The following CYFIP1 variants were observed in gnomAD, a reference collection of about 807,000 sequenced individuals.
The protein encoded by CYFIP1 is cytoplasmic FMR1 interacting protein 1, also known as cytoplasmic FMR1-interacting protein 1.
A neutral mutation model predicts 163.5 loss-of-function variants in CYFIP1; 58 were observed. The ratio of observed to expected loss-of-function variants is 0.35; its 90% CI spans 0.29 to 0.44. CYFIP1 has a LOEUF of 0.44. CYFIP1 is among the 20% of genes least tolerant of loss of function. CYFIP1 has a pLI of 1.00. For missense variants in CYFIP1, 1,338 were observed against 1,653.8 expected, an observed-to-expected ratio of 0.81 and a Z score of 3.31; for synonymous variants, 663 against 660.7, an observed-to-expected ratio of 1.00 and a Z score of -0.05.
In CYFIP1 at chr15:22,874,693, G is replaced by A. The variant is rs957040760; in HGVS notation, c.3116-49C>T. On this transcript the variant is annotated intron_variant, in intron 27 of 30. Transcript: ENST00000617928. ...TATATTCTGCTCCTTTGTATGAAAC[G>A]GTAATTGCAAAGGTTTACATTTGTT... The A allele has an allele frequency of 3.3e-5, 42 of 1,283,404 alleles. No homozygotes were observed. The Admixed American group carries it at 3.6e-4, about 11-fold the overall frequency. 79.5% of individuals were successfully genotyped at this position (1,283,404 alleles called of 1,614,324 possible).
intron 16 of CYFIP1, 165 bp from the exon 17 acceptor site, chr15:22,915,047 G>C (rs2060923367): frequency 1.7e-6 from 1 of 587,336 alleles, no homozygotes; most frequent in South Asian, 2.8e-5. Context: ...TTGCACTAGG[G>C]ACAGGACCAG....
chr15:22,912,409 C>A, intron 17 of CYFIP1, 134 bp from the exon 18 acceptor site: 2 of 618,800 alleles, frequency 3.2e-6, no homozygotes, highest in Non-Finnish European at 5.4e-6. Flanking sequence ...ACTTCAAACA[C>A]CAGTCCTCCT....
chr15:22,919,384 A>C (rs989020004), intron 13 of CYFIP1, among the ~76,000 whole-genome samples: 20 of 152,216 alleles, frequency 1.3e-4, no homozygotes, highest in African/African-American at 4.8e-4. Flanking sequence ...CCAGACAGTA[A>C]TTTTGTCATG....
At chr15:22,933,753 TG>T (rs1260639355) in intron 10 of CYFIP1, 48 bp downstream of exon 10, 2 of 1,368,744 alleles carry the variant, frequency 1.5e-6, no homozygotes, top group African/African-American at 2.9e-5. Flanking sequence ...AACCGCACAA[TG>T]AGGACACTGC....
intron 6 of CYFIP1, among the ~76,000 whole-genome samples, chr15:22,941,005 G>A (rs1042548852): frequency 3.3e-5 from 5 of 152,030 alleles, no homozygotes; most frequent in African/African-American, 4.8e-5. Context: ...TCGTGCCACC[G>A]CACTCCAGCC....
At chr15:22,971,919 A>G (rs1038190909) in intron 1 of CYFIP1, among the ~76,000 whole-genome samples, 3 of 152,180 alleles carry the variant, frequency 2.0e-5, no homozygotes, top group African/African-American at 7.2e-5. Flanking sequence ...TACAAATTCA[A>G]TGCAATCTAC....
At chr15:22,931,686 GAA>G (rs766177290) in intron 11 of CYFIP1, among the ~76,000 whole-genome samples, 716 of 39,674 alleles carry the variant, frequency 0.018, 7 homozygotes, top group African/African-American at 0.051. Context: ...ATGTTTTTCT[GAA>G]AAAAAAAAAA....
Position 22,944,850 on chromosome 15 carries a change from C to T in CYFIP1, c.285+12G>A, listed in dbSNP as rs753779241. ...GTGTGGCTGGAGGGGAAGAGCCAGGCGAGCGTGGCACCTGTGGGATGGCCC... is the reference window on the plus strand; with the variant it reads ...GTGTGGCTGGAGGGGAAGAGCCAGGTGAGCGTGGCACCTGTGGGATGGCCC... On this transcript the variant is annotated intron_variant, in intron 4 of 30. Transcript: ENST00000617928. 6.2e-6 allele frequency: 10 copies of T among 1,612,470 alleles called. No individual in the cohort carries two copies. The highest frequency in any genetic ancestry group is 2.2e-5 in the East Asian group (1 of 44,880).
At chr15:22,945,712 T>C (rs542418511) in intron 3 of CYFIP1, among the ~76,000 whole-genome samples, 1 of 152,090 alleles carries the variant, frequency 6.6e-6, no homozygotes, top group South Asian at 2.1e-4. Flanking sequence ...TAGCTGGGAT[T>C]ACAGGTGTGC....
chr15:22,941,817 A>C (rs941730111), intron 6 of CYFIP1, among the ~76,000 whole-genome samples: 26 of 152,188 alleles, frequency 1.7e-4, no homozygotes, highest in African/African-American at 3.9e-4. Context: ...AGGAAAAAAA[A>C]AACAACAACA....
chr15:22,917,372 T>G lies in CYFIP1; in HGVS notation c.1674+416A>C, dbSNP rs1032826674. 8.9e-6 allele frequency: 10 copies of G among 1,118,950 alleles called. No individual in the cohort carries two copies. Among genetic ancestry groups the G allele is most frequent in the Non-Finnish European group, 1.1e-5 (10 of 872,134 alleles). 69.3% of individuals were successfully genotyped at this position (1,118,950 alleles called of 1,614,324 possible). ...CTGAACACACCAGGAGAGAGGACAG[T>G]GGGCAGCTTAGGACCATGACACACG... On this transcript the variant is annotated intron_variant, in intron 15 of 30. Coordinates refer to ENST00000617928, the MANE Select transcript of CYFIP1 (RefSeq NM_014608.6). The surrounding 1 kb of genome is among the most constrained non-coding windows in gnomAD (Gnocchi z 4.2).
intron 13 of CYFIP1, among the ~76,000 whole-genome samples, chr15:22,921,081 T>A (rs1595605856): frequency 6.6e-6 from 1 of 152,068 alleles, no homozygotes; most frequent in Non-Finnish European, 1.5e-5. Context: ...GAAAAATAAC[T>A]AAAAGCACCC....
intron 17 of CYFIP1, among the ~76,000 whole-genome samples, chr15:22,913,205 G>GGA (rs972343565): frequency 5.6e-5 from 8 of 142,122 alleles, no homozygotes; most frequent in Non-Finnish European, 1.2e-4. Flanking sequence ...CTGTTGGGGG[G>GGA]AAAAAAAAAA....
rs778090325 is a variant in CYFIP1, at chr15:22,912,301, C to A, written c.1986-26G>T. 2.2e-5 allele frequency: 34 copies of A among 1,558,906 alleles called. No homozygotes were observed. In the East Asian group the frequency reaches 2.8e-4, roughly 13 times the overall value. ...CTGCAGAGGACAGCAGCAGTGTGACCAGCAGCCTCTGCCACTCACTCGCAG... is the reference window on the plus strand; with the variant it reads ...CTGCAGAGGACAGCAGCAGTGTGACAAGCAGCCTCTGCCACTCACTCGCAG... On this transcript the variant is annotated intron_variant, in intron 17 of 30. Transcript: ENST00000617928.
chr15:22,867,949 C>CTCA lies in CYFIP1; in HGVS notation c.*2076_*2078dup, dbSNP rs976033954. Reference sequence around the variant, plus strand: ...CTCCATTCAGCTTTGAACCTATCCACTCATAACCATTGACTGGCCTTTAAA... The same window carrying CTCA: ...CTCCATTCAGCTTTGAACCTATCCACTCATCATAACCATTGACTGGCCTTTAAA... On this transcript the variant is annotated 3_prime_UTR_variant, in exon 31 of 31. Coordinates refer to ENST00000617928, the MANE Select transcript of CYFIP1 (RefSeq NM_014608.6). The CTCA allele has an allele frequency of 2.0e-5, 3 of 152,242 alleles. No homozygotes were observed. Among genetic ancestry groups the CTCA allele is most frequent in the African/African-American group, 7.2e-5 (3 of 41,464 alleles). The allele number at this position is 152,242 out of a possible 1,614,324, so 9.4% of individuals were successfully genotyped here.
At chr15:22,951,699 G>A (rs2062255245) in intron 1 of CYFIP1, among the ~76,000 whole-genome samples, 2 of 152,176 alleles carry the variant, frequency 1.3e-5, no homozygotes, top group Non-Finnish European at 2.9e-5. Flanking sequence ...ATCCCACATG[G>A]CAACAGCCCC....
rs765491597 is a variant in CYFIP1, at chr15:22,939,490, C to A, written c.587G>T (p.Arg196Leu). The change falls in exon 7 of 31, where the codon CGT (arginine) becomes CTT (leucine). Residue 196 changes from arginine (R) to leucine (L), a missense_variant. Arg to Leu is a moderately radical substitution (Grantham distance 102). Transcript: ENST00000617928. ...SAYKRAAQFLRKMADPQSIQE... is the reference protein window; with the variant it reads ...SAYKRAAQFLLKMADPQSIQE... The stretch of plus-strand genomic sequence containing the variant: ...GATGGACTGTGGATCTGCCATTTTA[C>A]GTAAAAACTGAGCGGCCCTTTGAAA... The A allele has an allele frequency of 6.4e-7, 1 of 1,564,288 alleles. No homozygotes were observed. The highest frequency in any genetic ancestry group is 1.8e-5 in the Admixed American group (1 of 56,168).
intron 20 of CYFIP1, among the ~76,000 whole-genome samples, chr15:22,910,225 AT>A (rs1314161776): frequency 6.6e-6 from 1 of 151,960 alleles, no homozygotes; most frequent in East Asian, 1.9e-4. Flanking sequence ...CAGTGGTGCA[AT>A]CTCAGCTCAC....
rs961527458 is a variant in CYFIP1, at chr15:22,880,683, C to G, written c.2912-640G>C. Reference sequence around the variant, plus strand: ...AACGTGGCATCAGGAGGGGCCTAAACTACCCTGGGAAGAGCAAAGCGGGAG... The same window carrying G: ...AACGTGGCATCAGGAGGGGCCTAAAGTACCCTGGGAAGAGCAAAGCGGGAG... On this transcript the variant is annotated intron_variant, in intron 25 of 30. Transcript: ENST00000617928. 3.7e-4 allele frequency among the ~76,000 whole-genome samples: 57 copies of G among 152,324 alleles called. 1 individual carries two copies. Among genetic ancestry groups the G allele is most frequent in the Admixed American group, 3.4e-3 (52 of 15,308 alleles).
Sources: gnomAD v4.1 joint callset for allele counts (sites outside exome capture counted in the v4.1 genomes callset) on GRCh38, gnomAD v4.1.1 for gene constraint, Gnocchi (gnomAD v3.1) non-coding constraint, MANE v1.5 for transcripts, NCBI Gene and HGNC (gene_info 2026-07-23, HGNC 2026-07-21) for gene names.